Variants in SOS2 observed in about 807,000 individuals in gnomAD.
SOS2 encodes SOS Ras/Rho guanine nucleotide exchange factor 2.
In SOS2, 65 loss-of-function variants were observed where a neutral mutation model predicts 148.2. The observed-to-expected ratio is 0.44, with a 90% CI of 0.36 to 0.54. The LOEUF (loss-of-function observed/expected upper bound fraction) is 0.54. SOS2 is among the 20% of genes least tolerant of loss of function. SOS2 has a pLI of 0.00. For missense variants in SOS2, 1,341 were observed against 1,590.2 expected (o/e 0.84, Z 2.67); for synonymous variants, 539 against 537.1 (o/e 1.00, Z -0.05).
chr14:50,153,208 C>T (rs1001299563), intron 12 of SOS2, 35 bp from the exon 13 acceptor site: 1 of 1,237,310 alleles, frequency 8.1e-7, no homozygotes, highest in South Asian at 1.2e-5. Context: ...TTTAGTGAAA[C>T]ATAAGTGTTC....
chr14:50,198,352 TA>T (rs11296281), intron 4 of SOS2, among the ~76,000 whole-genome samples: 127,334 of 146,626 alleles, frequency 0.87, 55,078 homozygotes, highest in East Asian at 0.91. Flanking sequence ...ATTTTCAAAG[TA>T]AAAAAAAAAA....
intron 1 of SOS2, among the ~76,000 whole-genome samples, chr14:50,217,848 C>T (rs533913622): frequency 1.3e-5 from 2 of 151,954 alleles, no homozygotes; most frequent in Admixed American, 6.6e-5. Context: ...CCCAGCTACT[C>T]GGGAGGCTGA....
chr14:50,215,913 C>G (rs181322832), intron 1 of SOS2, among the ~76,000 whole-genome samples: 2 of 152,102 alleles, frequency 1.3e-5, no homozygotes, highest in Non-Finnish European at 2.9e-5. Flanking sequence ...TGCACTTGTT[C>G]AGTAATTAAC....
At chr14:50,189,581 A>G (rs76680712) in intron 4 of SOS2, among the ~76,000 whole-genome samples, 3,143 of 152,196 alleles carry the variant, frequency 0.021, 73 homozygotes, top group Non-Finnish European at 0.026. Flanking sequence ...ATGACAGTAC[A>G]TATTTGAGTA....
chr14:50,229,467 G>T (rs960515902), intron 1 of SOS2, among the ~76,000 whole-genome samples: 4 of 151,046 alleles, frequency 2.6e-5, no homozygotes, highest in Non-Finnish European at 4.4e-5. Flanking sequence ...AATGGACTAG[G>T]ATTGGATGCT....
At chr14:50,128,211 G>A (rs1437961581) in intron 21 of SOS2, among the ~76,000 whole-genome samples, 2 of 152,102 alleles carry the variant, frequency 1.3e-5, no homozygotes, top group Non-Finnish European at 2.9e-5. Flanking sequence ...GTTCTAGGAT[G>A]ACAGCAGGGT....
chr14:50,144,969 A>G (rs1204233839), intron 16 of SOS2, among the ~76,000 whole-genome samples: 1 of 152,028 alleles, frequency 6.6e-6, no homozygotes, highest in East Asian at 1.9e-4. Context: ...TTCTAATATA[A>G]GCCTAGGATT....
chr14:50,128,616 C>T (rs1883762617), intron 21 of SOS2, among the ~76,000 whole-genome samples: 1 of 152,154 alleles, frequency 6.6e-6, no homozygotes, highest in Non-Finnish European at 1.5e-5. Flanking sequence ...AAATTAATGA[C>T]TCAAGAGAGA....
In SOS2 at chr14:50,231,243, T is replaced by C; in HGVS notation, c.41A>G (p.Glu14Gly). Residue 14 changes from glutamate (E) to glycine (G), a missense_variant, in exon 1 of 23, where the codon GAG (glutamate) becomes GGG (glycine). Physicochemically the swap from Glu to Gly is moderately conservative, Grantham distance 98. Around this residue, in one of 4 missense-constraint regions of SOS2, gnomAD observed 574 missense variants for 711.1 expected, o/e 0.81. Coordinates refer to ENST00000216373, the MANE Select transcript of SOS2 (RefSeq NM_006939.4). ...CAGTCCCCGCCATTTCGGACTGTTC[T>C]CCTCGCTGAAGAACTCGTAAGGCTG... The part of the protein sequence containing the change: ...APQPYEFFSE[E>G]NSPKWRGLLV... 1 of 1,511,712 alleles carries C rather than the reference T, an allele frequency of 6.6e-7. No individual in the cohort carries two copies. The highest frequency in any genetic ancestry group is 8.9e-7 in the Non-Finnish European group (1 of 1,118,858). 93.6% of individuals were successfully genotyped at this position (1,511,712 alleles called of 1,614,324 possible).
intron 5 of SOS2, 36 bp from the exon 6 acceptor site, chr14:50,182,642 T>C (rs1010853782): frequency 1.2e-5 from 18 of 1,553,104 alleles, no homozygotes; most frequent in Non-Finnish European, 1.4e-5. Flanking sequence ...AAATGTGAGA[T>C]TGAGAATTCT....
At chr14:50,120,441 C>T in intron 21 of SOS2, 57 bp from the exon 22 acceptor site, 2 of 826,054 alleles carry the variant, frequency 2.4e-6, no homozygotes, top group Admixed American at 2.3e-5. Flanking sequence ...AAACCTTTAT[C>T]ACAATTTGTG....
At chr14:50,160,379 CTTTTTTTTTTTTTTTT>C (rs200021758) in intron 9 of SOS2, among the ~76,000 whole-genome samples, 8 of 78,850 alleles carry the variant, frequency 1.0e-4, no homozygotes, top group Non-Finnish European at 1.7e-4. Context: ...CAATGCTAAT[CTTTTTTTTTTTTTTTT>C]TTTTTTTTTT....
chr14:50,205,090 TTTC>T (rs1243293947), intron 1 of SOS2, among the ~76,000 whole-genome samples: 1 of 152,124 alleles, frequency 6.6e-6, no homozygotes, highest in Non-Finnish European at 1.5e-5. Flanking sequence ...TTTCCTTTCT[TTTC>T]TTTTTTTGAG....
At chr14:50,154,441 C>T (rs1436045830) in intron 12 of SOS2, among the ~76,000 whole-genome samples, 1 of 152,156 alleles carries the variant, frequency 6.6e-6, no homozygotes, top group Non-Finnish European at 1.5e-5. Flanking sequence ...CAAAACTAAA[C>T]ATACACATAC....
At chr14:50,203,364 T>C (rs760644109) in intron 2 of SOS2, among the ~76,000 whole-genome samples, 1 of 151,986 alleles carries the variant, frequency 6.6e-6, no homozygotes, top group East Asian at 1.9e-4. Context: ...TGAGACTCCA[T>C]CTCAAAAAAT....
intron 1 of SOS2, chr14:50,215,418 C>A (rs2139834508): frequency 7.8e-7 from 1 of 1,283,682 alleles, no homozygotes; most frequent in Non-Finnish European, 1.0e-6. Flanking sequence ...TGGAAGAGAA[C>A]CATGCTTTAC....
chr14:50,167,372 TAAAA>T, intron 8 of SOS2, among the ~76,000 whole-genome samples: 1 of 150,902 alleles, frequency 6.6e-6, no homozygotes, highest in African/African-American at 2.4e-5. Context: ...CTACAAAAAA[TAAAA>T]AAACAAAAAT....
chr14:50,184,862 TC>T (rs1555371756), intron 5 of SOS2, among the ~76,000 whole-genome samples: 12 of 57,178 alleles, frequency 2.1e-4, no homozygotes, highest in African/African-American at 1.1e-3. Flanking sequence ...AGACCCTGTC[TC>T]CAAAAAAAAA....
chr14:50,161,409 C>G (rs1412097570), intron 9 of SOS2, 73 bp downstream of exon 9: 10 of 1,220,966 alleles, frequency 8.2e-6, no homozygotes, highest in South Asian at 1.4e-5. Flanking sequence ...ATAAATCACA[C>G]TTCTTTGAAA....
Sources: allele counts gnomAD v4.1 joint callset (sites outside exome capture counted in the v4.1 genomes callset), GRCh38; gene constraint gnomAD v4.1.1; regional missense constraint gnomAD v4.1.1; transcripts MANE v1.5; gene names NCBI Gene and HGNC (gene_info 2026-07-23, HGNC 2026-07-21).